The following APH1B variants were observed in gnomAD, a reference collection of about 807,000 sequenced individuals.
APH1B encodes the protein aph-1B gamma-secretase subunit.
A neutral mutation model predicts 28.2 loss-of-function variants in APH1B; 27 were observed. That is an observed-to-expected ratio of 0.96 (90% CI 0.70 to 1.32). APH1B has a LOEUF of 1.32. APH1B is among the 40% of genes most tolerant of loss of function. The pLI, the probability that APH1B is intolerant of heterozygous loss-of-function variation, is 0.00. For synonymous variants in APH1B, 141 were observed against 124.6 expected (o/e 1.13, Z -0.88); for missense variants, 305 against 313.6 (o/e 0.97, Z 0.21).
At chr15:63,294,109 AT>A (rs34079708) in intron 4 of APH1B, among the ~76,000 whole-genome samples, 6,735 of 147,240 alleles carry the variant, frequency 0.046, 467 homozygotes, top group African/African-American at 0.15. Context: ...TTTCACAGAC[AT>A]TTTTTTTTTT....
At chr15:63,287,643 A>T (rs1335213284) in intron 4 of APH1B, 97 bp downstream of exon 4, 1 of 1,458,766 alleles carries the variant, frequency 6.9e-7, no homozygotes, top group Non-Finnish European at 9.3e-7. Flanking sequence ...ATTGGAATTT[A>T]TGTTATGTCT....
chr15:63,281,591 A>G (rs2038389685), intron 2 of APH1B, among the ~76,000 whole-genome samples: 1 of 151,270 alleles, frequency 6.6e-6, no homozygotes, highest in Admixed American at 6.6e-5. Flanking sequence ...TTTAAAGTTT[A>G]GGACTTGTAT....
rs761793001 is a variant in APH1B, at chr15:63,279,213, G to A, written c.166G>A (p.Ala56Thr). ...GATTTCGTCCCTTGTTTGGTTCATG[G>A]CAAGAGTCATTATTGACAACAAAGA... Reference protein sequence around the residue: ...LLISSLVWFMARVIIDNKDGP... With the variant: ...LLISSLVWFMTRVIIDNKDGP... Residue 56 changes from alanine to threonine, a missense_variant, in exon 2 of 6, where the codon GCA becomes ACA. By Grantham distance (58) the Ala-to-Thr change is moderately conservative. Transcript: ENST00000261879. 2.5e-6 allele frequency: 4 copies of A among 1,612,068 alleles called. No homozygotes were observed.
chr15:63,290,382 C>T (rs1489043855), intron 4 of APH1B, among the ~76,000 whole-genome samples: 1 of 152,102 alleles, frequency 6.6e-6, no homozygotes, highest in Non-Finnish European at 1.5e-5. Flanking sequence ...ATCCTAGGTT[C>T]GAATCTTATC....
At chr15:63,281,470 A>G (rs974019437) in intron 2 of APH1B, among the ~76,000 whole-genome samples, 21 of 150,358 alleles carry the variant, frequency 1.4e-4, no homozygotes, top group Admixed American at 4.0e-4. Context: ...CTCACATTGC[A>G]CTGGGTTTTC....
At chr15:63,278,057 T>G (rs994632438) in intron 1 of APH1B, 1 of 389,726 alleles carries the variant, frequency 2.6e-6, no homozygotes, top group Non-Finnish European at 4.9e-6. Context: ...AGTCCCTAAT[T>G]TCCCTCAGAT....
Position 63,307,076 on chromosome 15 carries a change from G to A in APH1B, c.*1295G>A, listed in dbSNP as rs1176920996. 1.3e-5 allele frequency: 2 copies of A among 152,192 alleles called. No homozygotes were observed. The highest frequency in any genetic ancestry group is 2.9e-5 in the Non-Finnish European group (2 of 68,034). The allele number at this position is 152,192 out of a possible 1,614,324, so 9.4% of individuals were successfully genotyped here. On this transcript the variant is annotated 3_prime_UTR_variant, in exon 6 of 6. Transcript: ENST00000261879. The stretch of plus-strand genomic sequence containing the variant: ...ATGTCTTTTGGGGAGCTGGTGGCAT[G>A]AAATGCAAATGACCTATACATTAAA...
chr15:63,291,328 A>G (rs2038504823), intron 4 of APH1B, among the ~76,000 whole-genome samples: 1 of 152,228 alleles, frequency 6.6e-6, no homozygotes, highest in South Asian at 2.1e-4. Context: ...AGTACCTAGT[A>G]AAAAAGAACA....
At chr15:63,295,815 C>T (rs2038559636) in intron 4 of APH1B, among the ~76,000 whole-genome samples, 2 of 152,218 alleles carry the variant, frequency 1.3e-5, no homozygotes, top group Admixed American at 6.5e-5. Flanking sequence ...GGAACTTTCT[C>T]ATAGTGGCCA....
intron 2 of APH1B, among the ~76,000 whole-genome samples, chr15:63,282,844 A>G (rs2038402868): frequency 6.6e-6 from 1 of 152,234 alleles, no homozygotes; most frequent in South Asian, 2.1e-4. Context: ...AAAATGGCGT[A>G]TTTAACTTGT....
intron 4 of APH1B, among the ~76,000 whole-genome samples, chr15:63,299,804 G>A (rs768614357): frequency 6.6e-6 from 1 of 151,894 alleles, no homozygotes; most frequent in South Asian, 2.1e-4. Flanking sequence ...AGTATTGGTC[G>A]CAAAGAAAGA....
At chr15:63,301,588 TTTCTTC>T (rs555775095) in intron 4 of APH1B, among the ~76,000 whole-genome samples, 1 of 151,994 alleles carries the variant, frequency 6.6e-6, no homozygotes, top group Non-Finnish European at 1.5e-5. Context: ...TTTTCTTTTC[TTTCTTC>T]TTCTTCTTTT....
chr15:63,302,173 C>G (rs1669098050), intron 4 of APH1B, among the ~76,000 whole-genome samples, 172 bp from the exon 5 acceptor site: 1 of 152,144 alleles, frequency 6.6e-6, no homozygotes, highest in African/African-American at 2.4e-5. Context: ...GGCAGTCAGT[C>G]CCCTGTTCCG....
Position 63,277,695 on chromosome 15 carries a change from C to T in APH1B, c.72C>T (p.Thr24=), listed in dbSNP as rs776289381. 4 of 1,611,616 alleles carry T rather than the reference C, an allele frequency of 2.5e-6. No individual in the cohort carries two copies. The highest frequency in any genetic ancestry group is 2.5e-6 in the Non-Finnish European group (3 of 1,179,046). ...CTGCGCTCGCCCTTTATGTCTTCACCATCGCCACCGAGCCGTTGCGTATCA... is the reference window on the plus strand; with the variant it reads ...CTGCGCTCGCCCTTTATGTCTTCACTATCGCCACCGAGCCGTTGCGTATCA... The part of the protein sequence containing the change: ...FGPALALYVF[T]IATEPLRIIF... Residue 24 remains threonine, a synonymous_variant, in exon 1 of 6, where the codon ACC becomes ACT. Coordinates refer to ENST00000261879, the MANE Select transcript of APH1B (RefSeq NM_031301.4).
intron 2 of APH1B, among the ~76,000 whole-genome samples, chr15:63,281,545 A>AC (rs1225935263): frequency 2.0e-5 from 3 of 151,684 alleles, no homozygotes; most frequent in African/African-American, 7.3e-5. Flanking sequence ...AAAAAAAAAA[A>AC]AAAAAACAAA....
intron 4 of APH1B, among the ~76,000 whole-genome samples, chr15:63,296,603 G>C (rs2152599303): frequency 6.6e-6 from 1 of 152,178 alleles, no homozygotes; most frequent in Non-Finnish European, 1.5e-5. Context: ...CTGTGTGTTA[G>C]AGCATTTGGG....
chr15:63,297,645 GGTT>G (rs1595763641), intron 4 of APH1B, among the ~76,000 whole-genome samples: 1 of 152,166 alleles, frequency 6.6e-6, no homozygotes, highest in East Asian at 1.9e-4. Flanking sequence ...GTAATTAAAA[GGTT>G]GTACTCTAGA....
chr15:63,288,541 A>G (rs1375502213), intron 4 of APH1B, among the ~76,000 whole-genome samples: 1 of 152,132 alleles, frequency 6.6e-6, no homozygotes, highest in African/African-American at 2.4e-5. Flanking sequence ...TCCTTGACAC[A>G]CTATTCATGT....
chr15:63,288,254 C>T (rs1418697655), intron 4 of APH1B, among the ~76,000 whole-genome samples: 1 of 152,076 alleles, frequency 6.6e-6, no homozygotes, highest in Non-Finnish European at 1.5e-5. Context: ...TGCTAAAGCT[C>T]CTCAGGGAGC....
Sources: allele counts gnomAD v4.1 joint callset (sites outside exome capture counted in the v4.1 genomes callset), GRCh38; gene constraint gnomAD v4.1.1; transcripts MANE v1.5; gene names NCBI Gene and HGNC (gene_info 2026-07-23, HGNC 2026-07-21).